HNRNPUL1: variants seen among roughly 807,000 people sequenced by gnomAD.
The protein encoded by HNRNPUL1 is heterogeneous nuclear ribonucleoprotein U-like protein 1.
A neutral mutation model predicts 108.5 loss-of-function variants in HNRNPUL1; 14 were observed. That is an observed-to-expected ratio of 0.13 (90% CI 0.09 to 0.20). The LOEUF is 0.20. HNRNPUL1 is among the 10% of genes least tolerant of loss of function. HNRNPUL1 has a pLI of 1.00. For missense variants in HNRNPUL1, 804 were observed against 1,168.3 expected (o/e 0.69, Z 4.55); for synonymous variants, 422 against 445.2 (o/e 0.95, Z 0.66).
chr19:41,300,528 C>T (rs1387920505), intron 10 of HNRNPUL1, among the ~76,000 whole-genome samples: 1 of 152,132 alleles, frequency 6.6e-6, no homozygotes, highest in Non-Finnish European at 1.5e-5. Context: ...GGTTCAGGCT[C>T]AGGAAGTCTC....
At chr19:41,265,264 G>A in intron 1 of HNRNPUL1, 1 of 1,530,222 alleles carries the variant, frequency 6.5e-7, no homozygotes, top group East Asian at 2.5e-5. Context: ...ATGTCCAGGT[G>A]TGCGGGGCTG....
chr19:41,282,790 C>T (rs1280744889), intron 7 of HNRNPUL1, among the ~76,000 whole-genome samples: 4 of 148,134 alleles, frequency 2.7e-5, no homozygotes, highest in South Asian at 2.1e-4. Flanking sequence ...CCCGGGTTCA[C>T]GCCATTCTCC....
intron 7 of HNRNPUL1, among the ~76,000 whole-genome samples, chr19:41,282,865 A>AT (rs1315533773): frequency 1.1e-4 from 15 of 140,894 alleles, no homozygotes; most frequent in South Asian, 2.3e-4. Context: ...AATTTTTTGT[A>AT]TTTTTTTTTT....
intron 10 of HNRNPUL1, among the ~76,000 whole-genome samples, chr19:41,298,106 C>T (rs923083044): frequency 6.6e-6 from 1 of 152,126 alleles, no homozygotes; most frequent in Non-Finnish European, 1.5e-5. Context: ...CCAGTATGAC[C>T]CTGGTGAGCT....
rs1275163297 is a variant in HNRNPUL1 at position 41,272,114 on chromosome 19, A to G, written c.451A>G (p.Thr151Ala). Reference protein sequence around the residue: ...MKTEMKQGAPTSFLPPEASQL... With the variant: ...MKTEMKQGAPASFLPPEASQL... The stretch of plus-strand genomic sequence containing the variant: ...GACAGAGATGAAGCAAGGAGCACCC[A>G]CCAGCTTCCTCCCGCCTGAAGCTTC... The change falls in exon 3 of 15, where the codon ACC becomes GCC. Residue 151 changes from threonine to alanine, a missense_variant. Physicochemically the swap from Thr to Ala is moderately conservative, Grantham distance 58 (BLOSUM62 0). Coordinates refer to ENST00000392006, the MANE Select transcript of HNRNPUL1 (RefSeq NM_007040.6). The G allele has an allele frequency of 1.2e-6, 2 of 1,614,146 alleles. No homozygotes were observed. The highest frequency in any genetic ancestry group is 1.7e-6 in the Non-Finnish European group (2 of 1,180,002).
chr19:41,277,063 C>T (rs2035600235), intron 5 of HNRNPUL1, among the ~76,000 whole-genome samples: 1 of 150,228 alleles, frequency 6.7e-6, no homozygotes. Context: ...CGCCACTGCA[C>T]TCCAGCCTGG....
chr19:41,295,383 GA>G lies in HNRNPUL1; in HGVS notation c.1518+706del, dbSNP rs371922055. Among the ~76,000 whole-genome samples the G allele has an allele frequency of 6.0e-4, 89 of 148,426 alleles. No homozygotes were observed. The South Asian group carries it at 9.9e-3, about 17-fold the overall frequency. On this transcript the variant is annotated intron_variant, in intron 10 of 14. Transcript: ENST00000392006. ...TGTATCCTTTTTATGAAAAAGAAGG[GA>G]AAAAAAAACAGTTTTTTGTCCCTAT... is the stretch of plus-strand genomic sequence containing the variant.
At chr19:41,277,825 C>T (rs574983959) in intron 5 of HNRNPUL1, among the ~76,000 whole-genome samples, 3 of 152,118 alleles carry the variant, frequency 2.0e-5, no homozygotes, top group South Asian at 4.1e-4. Context: ...GCTTTCTCAT[C>T]ACATTTATTG....
Position 41,294,292 on chromosome 19 carries a change from T to C in HNRNPUL1, c.1267-46T>C. On this transcript the variant is annotated intron_variant, in intron 8 of 14. Coordinates refer to ENST00000392006, the MANE Select transcript of HNRNPUL1 (RefSeq NM_007040.6). This position sits in a 1 kb window ranked among gnomAD's most constrained non-coding sequence, Gnocchi z 4.3. Reference sequence around the variant, plus strand: ...TCACAGTCACCACCGAGCCAAGTGGTGCCATACCACCATGCCGCAACACCT... The same window carrying C: ...TCACAGTCACCACCGAGCCAAGTGGCGCCATACCACCATGCCGCAACACCT... 6.2e-7 allele frequency: 1 copy of C among 1,607,186 alleles called. No individual in the cohort carries two copies. Among genetic ancestry groups the C allele is most frequent in the Non-Finnish European group, 8.5e-7 (1 of 1,175,842 alleles).
chr19:41,270,843 C>T (rs1008913638), intron 2 of HNRNPUL1, among the ~76,000 whole-genome samples: 3 of 152,096 alleles, frequency 2.0e-5, no homozygotes, highest in African/African-American at 7.2e-5. Context: ...GATCTGCCTG[C>T]CTCGGCCTCC....
chr19:41,282,936 C>T (rs914519743), intron 7 of HNRNPUL1, among the ~76,000 whole-genome samples: 2 of 151,040 alleles, frequency 1.3e-5, no homozygotes, highest in Non-Finnish European at 3.0e-5. Flanking sequence ...CCTCGTGATC[C>T]GCCCGCCTCG....
Position 41,270,019 on chromosome 19 carries a change from G to A in HNRNPUL1, c.418+1674G>A, listed in dbSNP as rs113446052. On this transcript the variant is annotated intron_variant, in intron 2 of 14. Coordinates refer to ENST00000392006, the MANE Select transcript of HNRNPUL1 (RefSeq NM_007040.6). ...TTTTTTGAGACGAAGTCTCGCTCTT[G>A]TTCCCCAGGCTGGAGGGCGATGGCG... Among the ~76,000 whole-genome samples, 349 of 151,092 alleles carry A rather than the reference G, an allele frequency of 2.3e-3. 1 individual carries two copies. Among genetic ancestry groups the A allele is most frequent in the Middle Eastern group, 0.01 (3 of 294 alleles).
Position 41,306,677 on chromosome 19 carries a change from C to G in HNRNPUL1, c.*112C>G. ...CCGTGGTGCTGGGGATGGGGTCATCCCAGGGCTGCCTCCCTCCAGCCCACT... is the reference window on the plus strand; with the variant it reads ...CCGTGGTGCTGGGGATGGGGTCATCGCAGGGCTGCCTCCCTCCAGCCCACT... On this transcript the variant is annotated 3_prime_UTR_variant, in exon 15 of 15. Transcript: ENST00000392006. 1.7e-6 allele frequency: 1 copy of G among 580,132 alleles called. No individual in the cohort carries two copies. 35.9% of individuals were successfully genotyped at this position (580,132 alleles called of 1,614,324 possible).
chr19:41,279,064 C>G lies in HNRNPUL1; in HGVS notation c.787-13C>G. 3 of 1,606,624 alleles carry G rather than the reference C, an allele frequency of 1.9e-6. No homozygotes were observed. Among genetic ancestry groups the G allele is most frequent in the Non-Finnish European group, 2.6e-6 (3 of 1,173,332 alleles). On this transcript the variant is annotated splice_polypyrimidine_tract_variant and intron_variant, in intron 5 of 14. Transcript: ENST00000392006. ...GAGAAGCAACCCTGAGCCCTTTTGT[C>G]CTCTTTCCTCAGATCAATGAGGAAA...
At chr19:41,297,208 G>T (rs531800544) in intron 10 of HNRNPUL1, among the ~76,000 whole-genome samples, 1 of 152,210 alleles carries the variant, frequency 6.6e-6, no homozygotes, top group Non-Finnish European at 1.5e-5. Flanking sequence ...GCTAAGTCAC[G>T]CACTCAGTGT....
At chr19:41,271,918 G>C (rs1448513053) in intron 2 of HNRNPUL1, among the ~76,000 whole-genome samples, 164 bp from the exon 3 acceptor site, 1 of 152,138 alleles carries the variant, frequency 6.6e-6, no homozygotes, top group Non-Finnish European at 1.5e-5. Context: ...GGCCTTCTTG[G>C]CTGGCTCAGC....
At position 41,302,709 on chromosome 19, in the gene HNRNPUL1, C is replaced by G; in HGVS notation, c.1732C>G (p.Leu578Val). The change falls in exon 12 of 15, where the codon CTG (leucine) becomes GTG (valine). Residue 578 changes from leucine (L) to valine (V), a missense_variant. Leu to Val is a conservative substitution (Grantham distance 32). Around this residue, in one of 4 missense-constraint regions of HNRNPUL1, gnomAD observed 294 missense variants for 388.3 expected, o/e 0.76. Transcript: ENST00000392006. ...TGTTGGGGACTTCCTGGATGAGGTTCTGTTCATTGAGCTGCAGCGGGAGGA... is the reference window on the plus strand; with the variant it reads ...TGTTGGGGACTTCCTGGATGAGGTTGTGTTCATTGAGCTGCAGCGGGAGGA... ...PDVGDFLDEVLFIELQREEAD... is the reference protein window; with the variant it reads ...PDVGDFLDEVVFIELQREEAD... The G allele has an allele frequency of 7.4e-6, 12 of 1,614,200 alleles. No homozygotes were observed. The highest frequency in any genetic ancestry group is 1.0e-5 in the Non-Finnish European group (12 of 1,180,044).
In HNRNPUL1 at chr19:41,268,129, G is replaced by GAGTGGTA. The variant is rs1170037745; in HGVS notation, c.296-92_296-91insTGGTAAG. The GAGTGGTA allele has an allele frequency of 2.6e-4, 320 of 1,218,212 alleles. 4 individuals are homozygous for GAGTGGTA. In the South Asian group the frequency reaches 3.0e-3, roughly 11 times the overall value. 75.5% of individuals were successfully genotyped at this position (1,218,212 alleles called of 1,614,324 possible). A position where few individuals can be genotyped will look rare whatever the true frequency, so the allele number is the denominator to read the frequency against. ...ATTATTATTCTTACCACTCTTAGTT[G>GAGTGGTA]AGCTCCTGGACCTGCAGATGCCTTC... On this transcript the variant is annotated intron_variant, in intron 1 of 14. Transcript: ENST00000392006.
At chr19:41,272,430 C>T (rs751965053) in intron 3 of HNRNPUL1, 195 bp downstream of exon 3, 37 of 546,558 alleles carry the variant, frequency 6.8e-5, no homozygotes, top group Non-Finnish European at 1.2e-4. Flanking sequence ...CCCAGTTCCT[C>T]CCTTCTTACC....
Sources: gnomAD v4.1 joint callset for allele counts (sites outside exome capture counted in the v4.1 genomes callset) on GRCh38, gnomAD v4.1.1 for gene constraint, gnomAD v4.1.1 regional missense constraint, Gnocchi (gnomAD v3.1) non-coding constraint, MANE v1.5 for transcripts, NCBI Gene and HGNC (gene_info 2026-07-23, HGNC 2026-07-21) for gene names.